BICRAL: variants seen among roughly 807,000 people sequenced by gnomAD.
BICRAL encodes the protein BRD4-interacting chromatin-remodeling complex-associated protein-like.
In BICRAL, 8 loss-of-function variants were observed where a neutral mutation model predicts 91.8. That is an observed-to-expected ratio of 0.09 (90% CI 0.05 to 0.16). BICRAL has a LOEUF of 0.16. Ranked by LOEUF, BICRAL falls within the 10% of genes least tolerant of loss-of-function variation. The pLI, the probability that BICRAL is intolerant of heterozygous loss-of-function variation, is 1.00. For missense variants in BICRAL, 1,038 were observed against 1,310.9 expected, an observed-to-expected ratio of 0.79 and a Z score of 3.21; for synonymous variants, 445 against 491.1, an observed-to-expected ratio of 0.91 and a Z score of 1.24.
intron 6 of BICRAL, among the ~76,000 whole-genome samples, chr6:42,843,800 CTTTTTTTTT>C (rs55723359): frequency 4.9e-5 from 5 of 102,126 alleles, no homozygotes; most frequent in South Asian, 3.3e-4. Flanking sequence ...TAAATTTCTT[CTTTTTTTTT>C]TTTTTTTTTG....
intron 1 of BICRAL, among the ~76,000 whole-genome samples, chr6:42,758,010 C>G (rs1023377965): frequency 6.6e-6 from 1 of 152,168 alleles, no homozygotes; most frequent in African/African-American, 2.4e-5. Context: ...GACACCAAAT[C>G]CATAGTCTTC....
At chr6:42,771,325 C>T (rs980727675) in intron 1 of BICRAL, among the ~76,000 whole-genome samples, 1 of 152,216 alleles carries the variant, frequency 6.6e-6, no homozygotes, top group Non-Finnish European at 1.5e-5. Context: ...CCGGAACTTG[C>T]GGCCCGGCTT....
chr6:42,779,675 T>C (rs1421982302), upstream of BICRAL, among the ~76,000 whole-genome samples: 1 of 152,158 alleles, frequency 6.6e-6, no homozygotes, highest in East Asian at 1.9e-4. Context: ...TGTTTTTCTT[T>C]GTTTGTTTTT....
chr6:42,788,907 T>G (rs989981948), intron 1 of BICRAL, among the ~76,000 whole-genome samples: 8 of 152,058 alleles, frequency 5.3e-5, no homozygotes, highest in African/African-American at 1.9e-4. Context: ...TTTTTTCTCC[T>G]AGCAACATTC....
chr6:42,809,948 G>C (rs1763809335), intron 1 of BICRAL, among the ~76,000 whole-genome samples: 1 of 151,946 alleles, frequency 6.6e-6, no homozygotes, highest in Admixed American at 6.6e-5. Context: ...CACCACACCT[G>C]GTTGAGTTCT....
chr6:42,815,914 G>C (rs937732228), intron 2 of BICRAL, among the ~76,000 whole-genome samples: 1 of 149,566 alleles, frequency 6.7e-6, no homozygotes, highest in African/African-American at 2.5e-5. Flanking sequence ...AACCCGGTAA[G>C]CGGAGGTTGT....
At chr6:42,849,774 G>A (rs953336845) in intron 6 of BICRAL, among the ~76,000 whole-genome samples, 1 of 151,832 alleles carries the variant, frequency 6.6e-6, no homozygotes, top group Non-Finnish European at 1.5e-5. Context: ...TAGTTTGGTC[G>A]GATGCAGTGG....
intron 6 of BICRAL, among the ~76,000 whole-genome samples, chr6:42,835,091 A>G (rs2113971294): frequency 6.6e-6 from 1 of 151,528 alleles, no homozygotes. Context: ...TCTTTTCCAT[A>G]TTTGTATATT....
chr6:42,812,555 A>G (rs1763871088), intron 2 of BICRAL, among the ~76,000 whole-genome samples: 1 of 152,200 alleles, frequency 6.6e-6, no homozygotes, highest in South Asian at 2.1e-4. Context: ...AATTTTAAAT[A>G]ATAATGACAT....
chr6:42,799,101 C>G (rs1303359470), intron 1 of BICRAL, among the ~76,000 whole-genome samples: 1 of 152,084 alleles, frequency 6.6e-6, no homozygotes, highest in African/African-American at 2.4e-5. Context: ...GACACAAGGT[C>G]TCACTATATT....
intron 2 of BICRAL, among the ~76,000 whole-genome samples, chr6:42,815,067 G>T (rs1018955881): frequency 1.3e-5 from 2 of 149,124 alleles, no homozygotes; most frequent in African/African-American, 5.0e-5. Context: ...GCACCACCAC[G>T]CCTGGCTCAT....
chr6:42,809,429 A>ATT, intron 1 of BICRAL, among the ~76,000 whole-genome samples: 1 of 143,366 alleles, frequency 7.0e-6, no homozygotes, highest in African/African-American at 2.6e-5. Context: ...CAACTATGAG[A>ATT]ATTTTTTTTT....
intron 6 of BICRAL, among the ~76,000 whole-genome samples, chr6:42,845,944 G>A (rs889430301): frequency 8.0e-5 from 12 of 149,806 alleles, no homozygotes; most frequent in African/African-American, 2.7e-4. Context: ...GGTGGCGGGT[G>A]CCTGTAGTCC....
intron 6 of BICRAL, among the ~76,000 whole-genome samples, chr6:42,841,180 A>AAT (rs1360801493): frequency 1.5e-5 from 2 of 135,480 alleles, no homozygotes; most frequent in African/African-American, 5.9e-5. Context: ...ATCACTCTTG[A>AAT]ATATTTTTTT....
intron 2 of BICRAL, among the ~76,000 whole-genome samples, chr6:42,815,984 C>CAAAAAAAA (rs746928245): frequency 2.5e-5 from 1 of 39,242 alleles, no homozygotes; most frequent in Non-Finnish European, 5.1e-5. Context: ...AACTCTGTCT[C>CAAAAAAAA]AAAAAAAAAA....
rs562406969 is a variant in BICRAL at position 42,838,354 on chromosome 6, T to A, written c.1839+8182T>A. On this transcript the variant is annotated intron_variant, in intron 6 of 12. Transcript: ENST00000314073. Reference sequence around the variant, plus strand: ...GGACTTGTCTGACTGGAAGTATGTTTCCTCATGACTCGGCTTCATCAGGCT... The same window carrying A: ...GGACTTGTCTGACTGGAAGTATGTTACCTCATGACTCGGCTTCATCAGGCT... Among the ~76,000 whole-genome samples the A allele has an allele frequency of 1.8e-4, 27 of 152,308 alleles. 1 individual carries two copies. Among genetic ancestry groups the A allele is most frequent in the African/African-American group, 5.3e-4 (22 of 41,560 alleles).
chr6:42,794,156 A>C (rs371956617), intron 1 of BICRAL, among the ~76,000 whole-genome samples: 1 of 152,094 alleles, frequency 6.6e-6, no homozygotes, highest in Non-Finnish European at 1.5e-5. Context: ...CACGGATTAC[A>C]GGCATGAGCC....
At chr6:42,798,865 A>G (rs1175636507) in intron 1 of BICRAL, among the ~76,000 whole-genome samples, 1 of 152,194 alleles carries the variant, frequency 6.6e-6, no homozygotes, top group African/African-American at 2.4e-5. Flanking sequence ...TTTCTAGAAT[A>G]TTTACAATAT....
At chr6:42,809,430 AT>A (rs989054840) in intron 1 of BICRAL, among the ~76,000 whole-genome samples, 3,121 of 111,920 alleles carry the variant, frequency 0.028, 27 homozygotes, top group Non-Finnish European at 0.031. Context: ...AACTATGAGA[AT>A]TTTTTTTTTT....
Sources: allele counts gnomAD v4.1 joint callset (sites outside exome capture counted in the v4.1 genomes callset), GRCh38; gene constraint gnomAD v4.1.1; transcripts MANE v1.5; gene names NCBI Gene and HGNC (gene_info 2026-07-23, HGNC 2026-07-21).